The following DCAF12 variants were observed in gnomAD, a reference collection of about 807,000 sequenced individuals.
DCAF12 encodes DDB1 and CUL4 associated factor 12, also known as DDB1- and CUL4-associated factor 12.
Under a neutral mutation model 52.8 loss-of-function variants are expected in DCAF12, and 28 were observed. The ratio of observed to expected loss-of-function variants is 0.53; its 90% CI spans 0.39 to 0.73. DCAF12 has a LOEUF of 0.73. Among genes scored for constraint, DCAF12 ranks in the 30% least tolerant of loss-of-function variants. The pLI is 0.00. For synonymous variants in DCAF12, 196 were observed against 215.5 expected, an observed-to-expected ratio of 0.91 and a Z score of 0.79; for missense variants, 425 against 552.2, an observed-to-expected ratio of 0.77 and a Z score of 2.31.
intron 4 of DCAF12, among the ~76,000 whole-genome samples, chr9:34,100,512 T>TTTA (rs1828812350): frequency 6.7e-6 from 1 of 149,764 alleles, no homozygotes; most frequent in African/African-American, 2.5e-5. Flanking sequence ...TTTTTTTTTT[T>TTTA]AATACAAGGC....
At chr9:34,124,188 A>G (rs1829213870) in intron 2 of DCAF12, among the ~76,000 whole-genome samples, 1 of 152,180 alleles carries the variant, frequency 6.6e-6, no homozygotes, top group Non-Finnish European at 1.5e-5. Flanking sequence ...TCCAGGGTCA[A>G]TTTACTCACA....
intron 2 of DCAF12, among the ~76,000 whole-genome samples, chr9:34,124,625 T>C (rs1829219690): frequency 6.6e-6 from 1 of 152,226 alleles, no homozygotes; most frequent in African/African-American, 2.4e-5. Flanking sequence ...TTTTAAATAC[T>C]TCGACATACG....
chr9:34,123,091 C>T (rs1829199559), intron 2 of DCAF12, among the ~76,000 whole-genome samples: 1 of 152,154 alleles, frequency 6.6e-6, no homozygotes, highest in Non-Finnish European at 1.5e-5. Flanking sequence ...CAGTGGCTAT[C>T]CTTGCTGTTA....
intron 3 of DCAF12, 33 bp downstream of exon 3, chr9:34,107,326 C>T (rs1219666606): frequency 3.7e-6 from 6 of 1,601,820 alleles, no homozygotes; most frequent in Non-Finnish European, 5.1e-6. Flanking sequence ...AAAAACAAGG[C>T]TCCCTCCAAC....
chr9:34,118,062 A>AT (rs1410771281), intron 2 of DCAF12, among the ~76,000 whole-genome samples: 3 of 152,250 alleles, frequency 2.0e-5, no homozygotes, highest in African/African-American at 7.2e-5. Flanking sequence ...GATTAGTCCA[A>AT]TAGTCTGATT....
At chr9:34,101,179 C>T (rs568813533) in intron 4 of DCAF12, among the ~76,000 whole-genome samples, 1 of 150,318 alleles carries the variant, frequency 6.7e-6, no homozygotes, top group African/African-American at 2.4e-5. Flanking sequence ...TTCAGCAATT[C>T]TCCTGCCCCA....
chr9:34,108,214 C>T (rs903516587), intron 2 of DCAF12, among the ~76,000 whole-genome samples: 4 of 152,114 alleles, frequency 2.6e-5, no homozygotes, highest in African/African-American at 7.2e-5. Context: ...TCAGTCTTAG[C>T]GAAAGGACAG....
In DCAF12 at chr9:34,088,325, A is replaced by T; in HGVS notation, c.*25T>A. On this transcript the variant is annotated 3_prime_UTR_variant, in exon 9 of 9. Coordinates refer to ENST00000361264, the MANE Select transcript of DCAF12 (RefSeq NM_015397.4). ...GAAACTGAGAATGGAAGTTAGTGTA[A>T]ATCTCTGCATTTGGGGAGTTGTCAT... 6.6e-7 allele frequency: 1 copy of T among 1,524,464 alleles called. No homozygotes were observed. The highest frequency in any genetic ancestry group is 8.8e-7 in the Non-Finnish European group (1 of 1,140,786). 94.4% of individuals were successfully genotyped at this position (1,524,464 alleles called of 1,614,324 possible).
intron 2 of DCAF12, among the ~76,000 whole-genome samples, chr9:34,121,054 A>G (rs1446642119): frequency 6.6e-6 from 1 of 151,954 alleles, no homozygotes. Flanking sequence ...CTCGGGAGGC[A>G]GAGGTGAGAG....
intron 4 of DCAF12, among the ~76,000 whole-genome samples, chr9:34,104,665 C>T (rs542938166): frequency 6.6e-6 from 1 of 152,240 alleles, no homozygotes; most frequent in Admixed American, 6.5e-5. Flanking sequence ...CCTGTAATCC[C>T]AGCATTTTAG....
At chr9:34,121,626 ACACCC>A (rs1312740494) in intron 2 of DCAF12, among the ~76,000 whole-genome samples, 1 of 151,898 alleles carries the variant, frequency 6.6e-6, no homozygotes, top group Non-Finnish European at 1.5e-5. Flanking sequence ...TCCTCAAATC[ACACCC>A]CACCCCCAGC....
At chr9:34,091,423 T>G (rs10971905) in intron 7 of DCAF12, among the ~76,000 whole-genome samples, 46,272 of 151,432 alleles carry the variant, frequency 0.31, 7,522 homozygotes, top group Non-Finnish European at 0.36. Context: ...GAGGTGGGTG[T>G]CCCAAGAGTT....
At chr9:34,105,645 C>T (rs1239010610) in intron 4 of DCAF12, among the ~76,000 whole-genome samples, 1 of 151,558 alleles carries the variant, frequency 6.6e-6, no homozygotes, top group Non-Finnish European at 1.5e-5. Flanking sequence ...GACACTGTCT[C>T]AAAAAGAAAA....
intron 2 of DCAF12, among the ~76,000 whole-genome samples, chr9:34,114,674 C>T (rs1829056806): frequency 6.6e-6 from 1 of 152,054 alleles, no homozygotes; most frequent in African/African-American, 2.4e-5. Context: ...AAGGTAAGCT[C>T]GAGGCTCGGG....
At chr9:34,121,045 T>C (rs1829167144) in intron 2 of DCAF12, among the ~76,000 whole-genome samples, 1 of 151,830 alleles carries the variant, frequency 6.6e-6, no homozygotes, top group Non-Finnish European at 1.5e-5. Context: ...TCCCAGCCAC[T>C]CGGGAGGCAG....
intron 2 of DCAF12, among the ~76,000 whole-genome samples, chr9:34,115,858 T>C (rs1245935207): frequency 3.3e-5 from 5 of 152,048 alleles, no homozygotes; most frequent in Non-Finnish European, 7.4e-5. Context: ...ATTACAGACA[T>C]AAGCCATCAA....
intron 4 of DCAF12, among the ~76,000 whole-genome samples, chr9:34,103,690 T>TA (rs1284801904): frequency 6.6e-6 from 1 of 151,608 alleles, no homozygotes; most frequent in Non-Finnish European, 1.5e-5. Flanking sequence ...CCAGTCTCTA[T>TA]AAAAAATAGA....
chr9:34,091,139 C>A (rs1828636757), intron 7 of DCAF12, among the ~76,000 whole-genome samples: 1 of 151,816 alleles, frequency 6.6e-6, no homozygotes. Flanking sequence ...CCAGTCTGGC[C>A]AACATGGTGA....
chr9:34,109,715 C>A, intron 2 of DCAF12: 2 of 223,114 alleles, frequency 9.0e-6, no homozygotes, highest in South Asian at 1.3e-4. Context: ...GGGAATAGGA[C>A]CCTGTTCATG....
Sources: gnomAD v4.1 joint callset for allele counts (sites outside exome capture counted in the v4.1 genomes callset) on GRCh38, gnomAD v4.1.1 for gene constraint, MANE v1.5 for transcripts, NCBI Gene and HGNC (gene_info 2026-07-23, HGNC 2026-07-21) for gene names.